The following ZNF623 variants were observed in gnomAD, a reference collection of about 807,000 sequenced individuals.
The protein encoded by ZNF623 is zinc finger protein 623.
Under a neutral mutation model 24.0 loss-of-function variants are expected in ZNF623, and 16 were observed. That is an observed-to-expected ratio of 0.67 (90% confidence interval 0.45 to 1.01). The LOEUF is 1.01. Ranked by LOEUF, ZNF623 falls within the 50% of genes least tolerant of loss-of-function variation. The pLI is 0.00. For missense variants in ZNF623, 566 were observed against 606.5 expected, an observed-to-expected ratio of 0.93 and a Z score of 0.70; for synonymous variants, 224 against 219.8, an observed-to-expected ratio of 1.02 and a Z score of -0.17.
intron 1 of ZNF623, among the ~76,000 whole-genome samples, chr8:143,641,966 G>A (rs1042517207): frequency 6.6e-6 from 1 of 152,162 alleles, no homozygotes; most frequent in African/African-American, 2.4e-5. Flanking sequence ...TTGGCTTCAC[G>A]TCACCAGCTG....
Position 143,651,178 on chromosome 8 carries a change from T to TGTGG in ZNF623, c.1188_1191dup (p.Lys398TrpfsTer47). The TGTGG allele has an allele frequency of 6.2e-7, 1 of 1,614,172 alleles. No individual in the cohort carries two copies. The highest frequency in any genetic ancestry group is 8.5e-7 in the Non-Finnish European group (1 of 1,180,026). On this transcript the variant is annotated frameshift_variant, in exon 2 of 2. Transcript: ENST00000526926. LOFTEE classifies it high-confidence loss of function. ...GGACAGGCCCTTCGAATGTAAAGACTGTGGGAAAGCCTTCATCCAGAGCTC... is the reference window on the plus strand; with the variant it reads ...GGACAGGCCCTTCGAATGTAAAGACTGTGGGTGGGAAAGCCTTCATCCAGAGCTC...
intron 1 of ZNF623, among the ~76,000 whole-genome samples, chr8:143,642,773 A>G (rs974982069): frequency 1.4e-4 from 21 of 152,142 alleles, no homozygotes; most frequent in African/African-American, 5.1e-4. Context: ...TCAGCTTCTT[A>G]TATGGGTGCG....
intron 1 of ZNF623, among the ~76,000 whole-genome samples, chr8:143,638,949 A>G (rs1002452443): frequency 1.3e-4 from 20 of 151,786 alleles, no homozygotes; most frequent in East Asian, 3.9e-4. Flanking sequence ...CTGGAGTGCA[A>G]TGGCGCGATC....
chr8:143,649,630 A>G, intron 1 of ZNF623: 2 of 493,008 alleles, frequency 4.1e-6, no homozygotes, highest in East Asian at 3.1e-5. Context: ...CAACTCATCC[A>G]GGATTCACTA....
At position 143,650,189 on chromosome 8, in the gene ZNF623, T is replaced by C. The variant is rs367972475; in HGVS notation, c.197T>C (p.Leu66Pro). The change falls in exon 2 of 2, where the codon CTG (leucine) becomes CCG (proline). Residue 66 changes from leucine (L) to proline (P), a missense_variant. By Grantham distance (98) the Leu-to-Pro change is moderately conservative. Around this residue, in one of 3 missense-constraint regions of ZNF623, gnomAD observed 313 missense variants for 300.4 expected, o/e 1.04. Coordinates refer to ENST00000526926, the MANE Select transcript of ZNF623 (RefSeq NM_001261843.2). The surrounding 1 kb of genome is among the most constrained non-coding windows in gnomAD (Gnocchi z 5.2). The stretch of plus-strand genomic sequence containing the variant: ...ACCAAGTCAGGAAGAAACCATATTC[T>C]GAACTCAGACCTTCTTCTGCTTCAG... Reference protein sequence around the residue: ...VCTKSGRNHILNSDLLLLQRE... With the variant: ...VCTKSGRNHIPNSDLLLLQRE... The C allele has an allele frequency of 6.2e-7, 1 of 1,614,246 alleles. No individual in the cohort carries two copies. Among genetic ancestry groups the C allele is most frequent in the Non-Finnish European group, 8.5e-7 (1 of 1,180,044 alleles).
In ZNF623 at chr8:143,651,825, T is replaced by C; in HGVS notation, c.*342T>C. The C allele has an allele frequency of 4.0e-6, 1 of 252,790 alleles. No individual in the cohort carries two copies. Among genetic ancestry groups the C allele is most frequent in the Non-Finnish European group, 8.1e-6 (1 of 124,004 alleles). The allele number at this position is 252,790 out of a possible 1,614,324, so 15.7% of individuals were successfully genotyped here. A position where few individuals can be genotyped will look rare whatever the true frequency, so the allele number is the denominator to read the frequency against. On this transcript the variant is annotated 3_prime_UTR_variant, in exon 2 of 2. Transcript: ENST00000526926. ...TCCCTTATTACAGCACAACTGTGTATCTAATCTTACGATTTAGGAGAATGT... is the reference window on the plus strand; with the variant it reads ...TCCCTTATTACAGCACAACTGTGTACCTAATCTTACGATTTAGGAGAATGT...
chr8:143,645,285 C>CA (rs998368206), intron 1 of ZNF623, among the ~76,000 whole-genome samples: 53 of 152,050 alleles, frequency 3.5e-4, no homozygotes, highest in Admixed American at 2.7e-3. Flanking sequence ...CCTAAAAATA[C>CA]AAAAAAATTG....
At chr8:143,649,569 AG>A in intron 1 of ZNF623, 2 of 377,740 alleles carry the variant, frequency 5.3e-6, no homozygotes, top group Non-Finnish European at 9.5e-6. Flanking sequence ...GTTTGTTTAA[AG>A]TATCTGTCTC....
rs2131462869 is a variant in ZNF623 at position 143,652,674 on chromosome 8, G to A, written c.*1191G>A. 6.0e-6 allele frequency: 1 copy of A among 167,244 alleles called. No homozygotes were observed. The highest frequency in any genetic ancestry group is 2.1e-4 in the South Asian group (1 of 4,830). 10.4% of individuals were successfully genotyped at this position (167,244 alleles called of 1,614,324 possible). On this transcript the variant is annotated 3_prime_UTR_variant, in exon 2 of 2. Transcript: ENST00000526926. Reference sequence around the variant, plus strand: ...AGCTGGAACAGTGGGGACAGGAGGAGGCAGGTCTCAAGAGAAGGTCTTTAC... The same window carrying A: ...AGCTGGAACAGTGGGGACAGGAGGAAGCAGGTCTCAAGAGAAGGTCTTTAC...
At chr8:143,649,364 C>G (rs1321355538) in intron 1 of ZNF623, among the ~76,000 whole-genome samples, 1 of 151,834 alleles carries the variant, frequency 6.6e-6, no homozygotes, top group African/African-American at 2.4e-5. Flanking sequence ...AAAGGTTGGG[C>G]TTTCCCATCC....
chr8:143,649,609 C>T, intron 1 of ZNF623: 1 of 466,288 alleles, frequency 2.1e-6, no homozygotes, highest in Admixed American at 3.8e-5. Context: ...AAGCATATCC[C>T]CACCCCTCTG....
rs547123134 is a variant in ZNF623 at position 143,639,111 on chromosome 8, C to T, written c.-96+2966C>T. ...TTTACCATGTTGGCCAGGCTGGTCTCGAACTCCTGACCTCAGGTGATCTGC... is the reference window on the plus strand; with the variant it reads ...TTTACCATGTTGGCCAGGCTGGTCTTGAACTCCTGACCTCAGGTGATCTGC... On this transcript the variant is annotated intron_variant, in intron 1 of 1. Coordinates refer to ENST00000526926, the MANE Select transcript of ZNF623 (RefSeq NM_001261843.2). Among the ~76,000 whole-genome samples, 1,257 of 152,182 alleles carry T rather than the reference C, an allele frequency of 8.3e-3. 14 individuals carry two copies. The highest frequency in any genetic ancestry group is 0.013 in the South Asian group (63 of 4,804).
intron 1 of ZNF623, among the ~76,000 whole-genome samples, chr8:143,645,689 C>T (rs905469973): frequency 6.6e-5 from 10 of 152,136 alleles, no homozygotes; most frequent in Non-Finnish European, 1.2e-4. Context: ...CTTTCCTCCA[C>T]GTCCCAAAGA....
At position 143,652,507 on chromosome 8, in the gene ZNF623, ATCTTC is replaced by A; in HGVS notation, c.*1027_*1031del. 1 of 167,160 alleles carries A rather than the reference ATCTTC, an allele frequency of 6.0e-6. No individual in the cohort carries two copies. 10.4% of individuals were successfully genotyped at this position (167,160 alleles called of 1,614,324 possible). The stretch of plus-strand genomic sequence containing the variant: ...TATAATCTACGATTCTGTTAGAAGT[ATCTTC>A]TCAGCCCTGCTACTGTCTGCTGCTC... On this transcript the variant is annotated 3_prime_UTR_variant, in exon 2 of 2. Coordinates refer to ENST00000526926, the MANE Select transcript of ZNF623 (RefSeq NM_001261843.2).
At chr8:143,643,034 C>G (rs1815092706) in intron 1 of ZNF623, among the ~76,000 whole-genome samples, 1 of 152,194 alleles carries the variant, frequency 6.6e-6, no homozygotes, top group African/African-American at 2.4e-5. Context: ...CCTAATCACA[C>G]AGACCCTGGG....
intron 1 of ZNF623, among the ~76,000 whole-genome samples, chr8:143,645,431 CAAAA>C (rs11370593): frequency 7.0e-6 from 1 of 142,766 alleles, no homozygotes. Flanking sequence ...GACTCCATCT[CAAAA>C]AAAAAAAAAA....
At chr8:143,646,883 G>A (rs1242992453) in intron 1 of ZNF623, among the ~76,000 whole-genome samples, 2 of 152,052 alleles carry the variant, frequency 1.3e-5, no homozygotes, top group South Asian at 2.1e-4. Flanking sequence ...CCAGGCAGAC[G>A]TTGAACTCCT....
At position 143,651,341 on chromosome 8, in the gene ZNF623, G is replaced by A. The variant is rs757332634; in HGVS notation, c.1349G>A (p.Ser450Asn). 24 of 1,614,222 alleles carry A rather than the reference G, an allele frequency of 1.5e-5. No homozygotes were observed. The South Asian group carries it at 2.3e-4, about 16-fold the overall frequency. ...ACTGAAGAGAAGCTCTATGAATGTAGTCAGTATGGGAGAGATTTTAACTCA... is the reference window on the plus strand; with the variant it reads ...ACTGAAGAGAAGCTCTATGAATGTAATCAGTATGGGAGAGATTTTAACTCA... Reference protein sequence around the residue: ...IHTEEKLYECSQYGRDFNSTT... With the variant: ...IHTEEKLYECNQYGRDFNSTT... Residue 450 changes from serine to asparagine, a missense_variant, in exon 2 of 2, where the codon AGT becomes AAT. By Grantham distance (46) the Ser-to-Asn change is conservative. This residue lies in a region of ZNF623 where 136 missense variants were observed against 131.9 expected (regional missense o/e 1.03). Coordinates refer to ENST00000526926, the MANE Select transcript of ZNF623 (RefSeq NM_001261843.2).
At chr8:143,639,010 A>G (rs1253547200) in intron 1 of ZNF623, among the ~76,000 whole-genome samples, 1 of 148,454 alleles carries the variant, frequency 6.7e-6, no homozygotes, top group Admixed American at 6.8e-5. Context: ...CTCCTGCCTC[A>G]GCCTCTCGAG....
Sources: allele counts gnomAD v4.1 joint callset (sites outside exome capture counted in the v4.1 genomes callset), GRCh38; gene constraint gnomAD v4.1.1; regional missense constraint gnomAD v4.1.1; non-coding constraint Gnocchi (gnomAD v3.1); transcripts MANE v1.5; gene names NCBI Gene and HGNC (gene_info 2026-07-23, HGNC 2026-07-21).